The following AEBP2 variants were observed in gnomAD, a reference collection of about 807,000 sequenced individuals.
The protein encoded by AEBP2 is zinc finger protein AEBP2.
A neutral mutation model predicts 50.8 loss-of-function variants in AEBP2; 10 were observed. The observed-to-expected ratio is 0.20, with a 90% CI of 0.12 to 0.33. The LOEUF (loss-of-function observed/expected upper bound fraction) is 0.33, where lower values mean the gene tolerates loss of function less well. Among genes scored for constraint, AEBP2 ranks in the 10% least tolerant of loss-of-function variants. The pLI is 1.00. For missense variants in AEBP2, 570 were observed against 688.0 expected (o/e 0.83, Z 1.92); for synonymous variants, 296 against 261.3 (o/e 1.13, Z -1.28).
At chr12:19,490,729 G>A (rs1416084640) in intron 3 of AEBP2, among the ~76,000 whole-genome samples, 4 of 152,116 alleles carry the variant, frequency 2.6e-5, no homozygotes, top group Admixed American at 1.3e-4. Context: ...ACCTCCCAAA[G>A]TATTGGGATT....
At chr12:19,478,931 G>A (rs1190243744) in intron 3 of AEBP2, among the ~76,000 whole-genome samples, 3 of 152,144 alleles carry the variant, frequency 2.0e-5, no homozygotes, top group African/African-American at 7.2e-5. Flanking sequence ...TGAAAATAAT[G>A]TATATCCTGG....
chr12:19,518,147 A>G lies in AEBP2; in HGVS notation c.*30A>G, dbSNP rs550295518. ...TAAATAAATACATAAAAAGCAAACA[A>G]GCGGGGACACCTGCAGTCTTAGTCA... On this transcript the variant is annotated 3_prime_UTR_variant, in exon 8 of 8. Coordinates refer to ENST00000266508, the MANE Select transcript of AEBP2 (RefSeq NM_153207.5). The G allele has an allele frequency of 1.3e-6, 2 of 1,584,490 alleles. No homozygotes were observed. The highest frequency in any genetic ancestry group is 1.7e-6 in the Non-Finnish European group (2 of 1,164,976).
chr12:19,429,245 G>A (rs1025535914), intron 1 of AEBP2, among the ~76,000 whole-genome samples: 9 of 152,056 alleles, frequency 5.9e-5, no homozygotes, highest in Admixed American at 1.3e-4. Flanking sequence ...TTTTGTCCTA[G>A]TGATAGTTTG....
At chr12:19,473,190 A>C in intron 2 of AEBP2, 58 bp from the exon 3 acceptor site, 1 of 787,712 alleles carries the variant, frequency 1.3e-6, no homozygotes, top group South Asian at 3.2e-5. Flanking sequence ...TGTATGAGGA[A>C]TCAAACTCTT....
At chr12:19,438,225 A>G (rs1343062768), upstream of AEBP2, among the ~76,000 whole-genome samples, 1 of 152,212 alleles carries the variant, frequency 6.6e-6, no homozygotes, top group Admixed American at 6.5e-5. Context: ...CTTGCTTTCA[A>G]CAAGTTGAAA....
intron 1 of AEBP2, among the ~76,000 whole-genome samples, chr12:19,404,700 C>G (rs1285368064): frequency 6.6e-6 from 1 of 152,088 alleles, no homozygotes; most frequent in Non-Finnish European, 1.5e-5. Context: ...CAGAAAAGAA[C>G]GTTGGGTCTG....
intron 1 of AEBP2, among the ~76,000 whole-genome samples, chr12:19,417,181 T>C (rs888027070): frequency 1.2e-4 from 18 of 151,930 alleles, no homozygotes; most frequent in African/African-American, 4.4e-4. Context: ...CCCTATCCTT[T>C]CAAGATAAAA....
intron 4 of AEBP2, among the ~76,000 whole-genome samples, chr12:19,495,089 A>G (rs977402289): frequency 1.3e-5 from 2 of 152,056 alleles, no homozygotes; most frequent in Non-Finnish European, 2.9e-5. Flanking sequence ...TATTTTTAGT[A>G]GAGGTGGGGT....
At chr12:19,448,999 A>G (rs1948122349) in intron 1 of AEBP2, among the ~76,000 whole-genome samples, 1 of 152,088 alleles carries the variant, frequency 6.6e-6, no homozygotes, top group African/African-American at 2.4e-5. Context: ...TTTCATAAAT[A>G]TTTTTTAAAG....
chr12:19,513,945 CT>C (rs558871495), intron 6 of AEBP2, among the ~76,000 whole-genome samples: 2,430 of 70,202 alleles, frequency 0.035, 47 homozygotes, highest in African/African-American at 0.088. Context: ...TTATTTATTT[CT>C]TTTTTTTTTT....
At chr12:19,486,111 A>T (rs1652878409) in intron 3 of AEBP2, among the ~76,000 whole-genome samples, 1 of 152,068 alleles carries the variant, frequency 6.6e-6, no homozygotes, top group South Asian at 2.1e-4. Context: ...CAAGATTTCT[A>T]ATGTCCTTTT....
At chr12:19,499,213 G>A (rs778866018) in intron 4 of AEBP2, among the ~76,000 whole-genome samples, 34 of 152,290 alleles carry the variant, frequency 2.2e-4, no homozygotes, top group South Asian at 2.1e-4. Flanking sequence ...AACTGGTGGA[G>A]CTGATTGGCA....
chr12:19,473,396 T>TATTTATTTATTTATTA (rs1948600936), intron 3 of AEBP2, 41 bp downstream of exon 3: 2 of 580,336 alleles, frequency 3.4e-6, no homozygotes, highest in Non-Finnish European at 4.8e-6. Context: ...TTTATTTATT[T>TATTTATTTATTTATTA]ATTTATTTAT....
intron 7 of AEBP2, among the ~76,000 whole-genome samples, chr12:19,517,410 A>T (rs1258166289): frequency 1.3e-5 from 2 of 152,208 alleles, no homozygotes; most frequent in African/African-American, 4.8e-5. Context: ...TATCAAAGCT[A>T]TTTAGGGGAA....
intron 1 of AEBP2, among the ~76,000 whole-genome samples, chr12:19,449,176 G>C (rs1205095237): frequency 6.6e-6 from 1 of 152,086 alleles, no homozygotes; most frequent in East Asian, 1.9e-4. Context: ...AATTTCCTTA[G>C]GAAAGATCTT....
chr12:19,465,568 T>A (rs549748017), intron 2 of AEBP2, among the ~76,000 whole-genome samples: 1 of 152,144 alleles, frequency 6.6e-6, no homozygotes, highest in African/African-American at 2.4e-5. Context: ...ATGGTTTGTT[T>A]GTTTGTAGAG....
chr12:19,442,878 C>T (rs1947987674), intron 1 of AEBP2, among the ~76,000 whole-genome samples: 1 of 152,100 alleles, frequency 6.6e-6, no homozygotes, highest in Admixed American at 6.5e-5. Context: ...TTACATCAAT[C>T]TGTGGATTTT....
chr12:19,426,867 C>T (rs539692700), intron 1 of AEBP2, among the ~76,000 whole-genome samples: 79 of 152,186 alleles, frequency 5.2e-4, no homozygotes, highest in Middle Eastern at 6.8e-3. Flanking sequence ...TGCCACTGCA[C>T]TTCAGCGTGG....
In AEBP2 at chr12:19,460,135, G is replaced by C. The variant is rs150367567; in HGVS notation, c.672-2375G>C. ...GAGGTGGGAGGATCACTTGAGCCTG[G>C]TAGGTCAAGGCTGCAATGAGCCGTG... On this transcript the variant is annotated intron_variant, in intron 1 of 7. Transcript: ENST00000266508. Among the ~76,000 whole-genome samples the C allele has an allele frequency of 1.7e-3, 254 of 152,214 alleles. 1 individual carries two copies. Among genetic ancestry groups the C allele is most frequent in the African/African-American group, 5.8e-3 (243 of 41,546 alleles).
Sources: gnomAD v4.1 joint callset for allele counts (sites outside exome capture counted in the v4.1 genomes callset) on GRCh38, gnomAD v4.1.1 for gene constraint, MANE v1.5 for transcripts, NCBI Gene and HGNC (gene_info 2026-07-23, HGNC 2026-07-21) for gene names.